Variants in RFFL observed in about 807,000 individuals in gnomAD.
The protein encoded by RFFL is ring finger and FYVE like domain containing E3 ubiquitin protein ligase.
RFFL carries 16 observed loss-of-function variants against 40.4 expected under a neutral mutation model. The observed-to-expected ratio is 0.40, with a 90% CI of 0.27 to 0.60. The LOEUF is 0.60. Ranked by LOEUF, RFFL falls within the 20% of genes least tolerant of loss-of-function variation. The probability of loss-of-function intolerance (pLI) is 0.47; values close to 1 mark genes in which losing one functional copy is unlikely to be tolerated. For missense variants in RFFL, 367 were observed against 451.7 expected (o/e 0.81, Z 1.70); for synonymous variants, 154 against 167.9 (o/e 0.92, Z 0.64).
At chr17:35,071,622 A>G (rs1249383964) in intron 1 of RFFL, among the ~76,000 whole-genome samples, 2 of 149,492 alleles carry the variant, frequency 1.3e-5, no homozygotes, top group East Asian at 3.9e-4. Context: ...ACACTGTCCA[A>G]AAAAAAAAAA....
chr17:35,047,533 TTTG>T (rs375094246), intron 1 of RFFL, among the ~76,000 whole-genome samples: 12 of 152,190 alleles, frequency 7.9e-5, no homozygotes, highest in Non-Finnish European at 1.0e-4. Flanking sequence ...TAAGGTTGTT[TTTG>T]TTGTTGTTGT....
At chr17:35,072,531 C>T (rs1050647232) in intron 1 of RFFL, among the ~76,000 whole-genome samples, 2 of 151,904 alleles carry the variant, frequency 1.3e-5, no homozygotes, top group Middle Eastern at 3.4e-3. Flanking sequence ...AGAACAGTTA[C>T]ACAAATCCAT....
rs907861872 is a variant in RFFL, at chr17:35,007,937, C to T, written c.*4031G>A. On this transcript the variant is annotated 3_prime_UTR_variant, in exon 7 of 7. Coordinates refer to ENST00000394597, the MANE Select transcript of RFFL (RefSeq NM_001017368.2). ...TGTATTTTTAGTAGAGACCACGTTT[C>T]GCCATGTTGTCCAGACTGGTCTCAA... The T allele has an allele frequency of 3.3e-5, 5 of 152,202 alleles. No individual in the cohort carries two copies. The highest frequency in any genetic ancestry group is 7.2e-5 in the African/African-American group (3 of 41,442). 9.4% of individuals were successfully genotyped at this position (152,202 alleles called of 1,614,324 possible).
intron 1 of RFFL, among the ~76,000 whole-genome samples, chr17:35,049,802 C>T (rs538242722): frequency 6.6e-6 from 1 of 152,290 alleles, no homozygotes; most frequent in African/African-American, 2.4e-5. Context: ...AAAGAATGGG[C>T]CAGGTGTGGT....
At chr17:35,059,314 C>T (rs146355451) in intron 1 of RFFL, among the ~76,000 whole-genome samples, 3 of 152,168 alleles carry the variant, frequency 2.0e-5, no homozygotes, top group Admixed American at 1.3e-4. Flanking sequence ...CCACTGCGCT[C>T]GGCCACTCGA....
At chr17:35,027,264 G>A (rs1471937207) in intron 1 of RFFL, among the ~76,000 whole-genome samples, 1 of 152,004 alleles carries the variant, frequency 6.6e-6, no homozygotes, top group Non-Finnish European at 1.5e-5. Context: ...ATACTTTCTT[G>A]CACAGTTATA....
At chr17:35,021,896 T>C (rs1034592569) in intron 2 of RFFL, 115 bp from the exon 3 acceptor site, 1 of 1,010,704 alleles carries the variant, frequency 9.9e-7, no homozygotes, top group African/African-American at 1.6e-5. Context: ...TCACTCTTAC[T>C]TTTACTAAGC....
chr17:35,026,289 G>T, intron 2 of RFFL, 85 bp downstream of exon 2: 1 of 1,328,238 alleles, frequency 7.5e-7, no homozygotes, highest in Admixed American at 2.2e-5. Context: ...GAAAGGAAAG[G>T]TTGCAGGCAT....
At chr17:35,077,284 A>T (rs1334548839) in intron 1 of RFFL, among the ~76,000 whole-genome samples, 1 of 151,998 alleles carries the variant, frequency 6.6e-6, no homozygotes. Flanking sequence ...ATGATCAAGG[A>T]CCTCTGATAT....
At chr17:35,083,947 G>A (rs771259738) in intron 1 of RFFL, among the ~76,000 whole-genome samples, 138 of 151,104 alleles carry the variant, frequency 9.1e-4, no homozygotes, top group Middle Eastern at 7.1e-3. Flanking sequence ...AAGCACTTGG[G>A]AAGCCAGGCA....
chr17:35,034,590 G>A (rs753479905), intron 1 of RFFL, among the ~76,000 whole-genome samples: 2 of 151,164 alleles, frequency 1.3e-5, no homozygotes, highest in East Asian at 1.9e-4. Context: ...GTACAATGGC[G>A]CGATCTTGGC....
chr17:35,041,865 A>C (rs1196779541), intron 1 of RFFL, among the ~76,000 whole-genome samples: 1 of 151,964 alleles, frequency 6.6e-6, no homozygotes, highest in Non-Finnish European at 1.5e-5. Context: ...AAAAACACAA[A>C]AATTAGTGGT....
chr17:35,068,971 A>AG (rs2091333808), intron 1 of RFFL, among the ~76,000 whole-genome samples: 1 of 152,200 alleles, frequency 6.6e-6, no homozygotes, highest in African/African-American at 2.4e-5. Context: ...CTAATACAGT[A>AG]GAAGGGCAGG....
Position 35,031,494 on chromosome 17 carries a change from GTAAGGAAGGT to G in RFFL, c.-8-4943_-8-4934del, listed in dbSNP as rs1405044342. 7.9e-5 allele frequency among the ~76,000 whole-genome samples: 12 copies of G among 152,134 alleles called. 1 individual carries two copies. Among genetic ancestry groups the G allele is most frequent in the African/African-American group, 2.9e-4 (12 of 41,400 alleles). ...AGTGCCTTGCTGTTTCCAGTGCTAG[GTAAGGAAGGT>G]TAAGTACCTACCCTCAAGGAGCTCA... On this transcript the variant is annotated intron_variant, in intron 1 of 6. Coordinates refer to ENST00000394597, the MANE Select transcript of RFFL (RefSeq NM_001017368.2).
At chr17:35,038,384 TGCGC>T (rs1462862306) in intron 1 of RFFL, among the ~76,000 whole-genome samples, 2 of 152,014 alleles carry the variant, frequency 1.3e-5, no homozygotes, top group Non-Finnish European at 2.9e-5. Flanking sequence ...TGTGTGTGTG[TGCGC>T]GCGCGTGCAT....
At chr17:35,069,865 AG>A (rs1253367554) in intron 1 of RFFL, among the ~76,000 whole-genome samples, 5 of 152,148 alleles carry the variant, frequency 3.3e-5, no homozygotes, top group South Asian at 2.1e-4. Context: ...AGAACAGACA[AG>A]GGTTGGAGAA....
intron 1 of RFFL, among the ~76,000 whole-genome samples, chr17:35,070,655 G>A (rs1171766093): frequency 6.6e-6 from 1 of 152,156 alleles, no homozygotes; most frequent in African/African-American, 2.4e-5. Flanking sequence ...GGGCAGTACT[G>A]TACTGGGAGT....
In RFFL at chr17:35,059,017, A is replaced by ATT. The variant is rs750015998; in HGVS notation, c.-9+4557_-9+4558dup. On this transcript the variant is annotated intron_variant, in intron 1 of 6. Coordinates refer to ENST00000394597, the MANE Select transcript of RFFL (RefSeq NM_001017368.2). ...CCATGTAAAAGAAGCTCGAGCTAGA[A>ATT]TTTTTTTTTTTTTTTTTTTTTGAGA... Among the ~76,000 whole-genome samples, 1,202 of 123,442 alleles carry ATT rather than the reference A, an allele frequency of 9.7e-3. 37 individuals are homozygous for ATT. The highest frequency in any genetic ancestry group is 0.033 in the African/African-American group (1,032 of 31,702). The allele number at this position is 123,442 out of a possible 152,430, so 81.0% of individuals were successfully genotyped here.
chr17:35,064,293 T>G (rs1173112055), upstream of RFFL, among the ~76,000 whole-genome samples: 2 of 152,170 alleles, frequency 1.3e-5, no homozygotes, highest in Non-Finnish European at 1.5e-5. Flanking sequence ...ACTGGAATTT[T>G]TTTTTTTTAA....
Sources: allele counts gnomAD v4.1 joint callset (sites outside exome capture counted in the v4.1 genomes callset), GRCh38; gene constraint gnomAD v4.1.1; transcripts MANE v1.5; gene names NCBI Gene and HGNC (gene_info 2026-07-23, HGNC 2026-07-21).